The following ZNF625 variants were observed in gnomAD, a reference collection of about 807,000 sequenced individuals.
ZNF625 encodes the protein zinc finger protein 625.
A neutral mutation model predicts 11.1 loss-of-function variants in ZNF625; 8 were observed. The ratio of observed to expected loss-of-function variants is 0.72; its 90% CI spans 0.42 to 1.30. The LOEUF (loss-of-function observed/expected upper bound fraction) is 1.30, where lower values mean the gene tolerates loss of function less well. ZNF625 is among the 50% of genes most tolerant of loss of function. The pLI is 0.01. For missense variants in ZNF625, 349 were observed against 447.6 expected (o/e 0.78, Z 1.99); for synonymous variants, 145 against 153.4 (o/e 0.95, Z 0.41).
chr19:12,145,562 A>G lies in ZNF625; in HGVS notation c.854T>C (p.Val285Ala). The G allele has an allele frequency of 6.2e-7, 1 of 1,608,026 alleles. No individual in the cohort carries two copies. The highest frequency in any genetic ancestry group is 8.5e-7 in the Non-Finnish European group (1 of 1,174,664). The change falls in exon 4 of 4, where the codon GTT becomes GCT. Residue 285 changes from valine (V) to alanine (A), a missense_variant. Transcript: ENST00000439556. Reference protein sequence around the residue: ...YECKQCGKAFVSFNSVRYHER... With the variant: ...YECKQCGKAFASFNSVRYHER... The stretch of plus-strand genomic sequence containing the variant: ...ATGATATCGAACGGAATTGAAAGAA[A>G]CAAAGGCTTTCCCACACTGTTTACA...
At position 12,145,216 on chromosome 19, in the gene ZNF625, T is replaced by C; in HGVS notation, c.*81A>G. ...AGTGACTGCAGAAGCTTCAGAATAA[T>C]TTTGCGATGGTTCCCATGATTTGAG... On this transcript the variant is annotated 3_prime_UTR_variant, in exon 4 of 4. Transcript: ENST00000439556. 9.9e-6 allele frequency: 14 copies of C among 1,417,998 alleles called. No individual in the cohort carries two copies. Among genetic ancestry groups the C allele is most frequent in the Non-Finnish European group, 1.3e-5 (14 of 1,047,704 alleles). The allele number at this position is 1,417,998 out of a possible 1,614,324, so 87.8% of individuals were successfully genotyped here. A position where few individuals can be genotyped will look rare whatever the true frequency, so the allele number is the denominator to read the frequency against.
At chr19:12,155,794 TC>T (rs1308576886) in intron 1 of ZNF625, among the ~76,000 whole-genome samples, 1 of 152,192 alleles carries the variant, frequency 6.6e-6, no homozygotes, top group East Asian at 1.9e-4. Flanking sequence ...AAACTCCTAT[TC>T]TGAGAAGCAA....
intron 1 of ZNF625, 76 bp downstream of exon 1, chr19:12,156,480 G>T (rs1201260830): frequency 7.8e-7 from 1 of 1,278,964 alleles, no homozygotes; most frequent in Non-Finnish European, 1.0e-6. Flanking sequence ...GAAGGCCTGG[G>T]TCCTGCTAGA....
chr19:12,149,752 T>C (rs1327147241), intron 1 of ZNF625, among the ~76,000 whole-genome samples: 2 of 152,130 alleles, frequency 1.3e-5, no homozygotes, highest in Non-Finnish European at 2.9e-5. Context: ...TATTTTTTTT[T>C]TTTTCAGACG....
rs144224687 is a variant in ZNF625, at chr19:12,155,319, G to A, written c.3+1237C>T. On this transcript the variant is annotated intron_variant, in intron 1 of 3. Coordinates refer to ENST00000439556, the MANE Select transcript of ZNF625 (RefSeq NM_145233.4). ...CCATGCAAGGCAAGGGTAAAGTCAC[G>A]CCTTAGAATTCATAAAATCTAGTGA... Among the ~76,000 whole-genome samples the A allele has an allele frequency of 2.2e-4, 33 of 152,096 alleles. 1 individual carries two copies. The highest frequency in any genetic ancestry group is 7.2e-4 in the African/African-American group (30 of 41,510).
intron 1 of ZNF625, among the ~76,000 whole-genome samples, chr19:12,153,399 T>C (rs545384611): frequency 7.2e-4 from 108 of 148,968 alleles, no homozygotes; most frequent in African/African-American, 2.6e-3. Flanking sequence ...TAAAGACACA[T>C]GCACGGCTGG....
chr19:12,149,849 C>T (rs1479221707), intron 1 of ZNF625, among the ~76,000 whole-genome samples: 1 of 152,052 alleles, frequency 6.6e-6, no homozygotes, highest in African/African-American at 2.4e-5. Context: ...AAGCAATTCT[C>T]CTGCCTCAGC....
intron 1 of ZNF625, among the ~76,000 whole-genome samples, chr19:12,152,463 A>T (rs751374146): frequency 2.4e-4 from 37 of 152,260 alleles, no homozygotes; most frequent in Non-Finnish European, 2.8e-4. Context: ...AATACACCAT[A>T]ATAGTATAGG....
At chr19:12,155,705 T>A (rs1291246843) in intron 1 of ZNF625, among the ~76,000 whole-genome samples, 1 of 152,162 alleles carries the variant, frequency 6.6e-6, no homozygotes, top group African/African-American at 2.4e-5. Context: ...TTTTGCAGAG[T>A]TTTGCTCTTT....
chr19:12,149,186 G>C (rs897739593), intron 1 of ZNF625, among the ~76,000 whole-genome samples: 2 of 150,896 alleles, frequency 1.3e-5, no homozygotes, highest in African/African-American at 4.9e-5. Flanking sequence ...TCAGGAGGCT[G>C]AGGCAGGAGA....
intron 1 of ZNF625, among the ~76,000 whole-genome samples, chr19:12,154,555 T>C (rs1977001575): frequency 6.6e-6 from 1 of 152,198 alleles, no homozygotes; most frequent in South Asian, 2.1e-4. Flanking sequence ...GTCTGTATTT[T>C]CTTGAATGGC....
At chr19:12,155,162 G>A (rs1977009331) in intron 1 of ZNF625, among the ~76,000 whole-genome samples, 1 of 150,296 alleles carries the variant, frequency 6.7e-6, no homozygotes. Flanking sequence ...GGAGGCGGAG[G>A]TTGCCGTAAG....
Position 12,156,663 on chromosome 19 carries a change from C to T in ZNF625, c.-105G>A. 5 of 1,147,200 alleles carry T rather than the reference C, an allele frequency of 4.4e-6. No homozygotes were observed. The highest frequency in any genetic ancestry group is 4.3e-5 in the South Asian group (1 of 23,376). The allele number at this position is 1,147,200 out of a possible 1,614,324, so 71.1% of individuals were successfully genotyped here. A position where few individuals can be genotyped will look rare whatever the true frequency, so the allele number is the denominator to read the frequency against. ...AGAAGCTATGGCGGAGGCACCTGGT[C>T]CCTCTCGGGGCCGGAAAACCGAGAT... On this transcript the variant is annotated 5_prime_UTR_variant, in exon 1 of 4. Coordinates refer to ENST00000439556, the MANE Select transcript of ZNF625 (RefSeq NM_145233.4).
intron 1 of ZNF625, among the ~76,000 whole-genome samples, chr19:12,149,865 G>A (rs1016627356): frequency 2.0e-5 from 3 of 151,788 alleles, no homozygotes; most frequent in Admixed American, 6.6e-5. Context: ...TCAGCCTCCC[G>A]AGTAGATGGG....
At chr19:12,148,295 T>G (rs1253136304) in intron 1 of ZNF625, among the ~76,000 whole-genome samples, 3 of 152,218 alleles carry the variant, frequency 2.0e-5, no homozygotes, top group Admixed American at 6.5e-5. Flanking sequence ...CCTACCAATC[T>G]GACTGATAAG....
chr19:12,144,968 C>A lies in ZNF625; in HGVS notation c.*329G>T, dbSNP rs775171571. 2.3e-5 allele frequency: 5 copies of A among 212,938 alleles called. No homozygotes were observed. The highest frequency in any genetic ancestry group is 4.7e-5 in the Non-Finnish European group (5 of 107,404). The allele number at this position is 212,938 out of a possible 1,614,324, so 13.2% of individuals were successfully genotyped here. A position where few individuals can be genotyped will look rare whatever the true frequency, so the allele number is the denominator to read the frequency against. ...TGACCTCGTGGTCCGCCTGCCTCGG[C>A]CTCCCAAAGTGCTGGGATTATAGGC... On this transcript the variant is annotated 3_prime_UTR_variant, in exon 4 of 4. Coordinates refer to ENST00000439556, the MANE Select transcript of ZNF625 (RefSeq NM_145233.4).
intron 1 of ZNF625, 90 bp from the exon 2 acceptor site, chr19:12,147,892 A>G (rs1976899482): frequency 2.0e-6 from 3 of 1,490,886 alleles, no homozygotes; most frequent in African/African-American, 1.4e-5. Context: ...CCATGGTGCT[A>G]TGGACTCCAA....
At chr19:12,148,728 T>C (rs1413636407) in intron 1 of ZNF625, among the ~76,000 whole-genome samples, 1 of 150,824 alleles carries the variant, frequency 6.6e-6, no homozygotes, top group African/African-American at 2.4e-5. Context: ...TTCAAGCAAT[T>C]TTCTGCCTCA....
intron 3 of ZNF625, among the ~76,000 whole-genome samples, chr19:12,146,671 A>G (rs1053171403): frequency 1.3e-5 from 2 of 152,194 alleles, no homozygotes; most frequent in African/African-American, 2.4e-5. Flanking sequence ...GACTCAAGCA[A>G]TCTGCCCACC....
Sources: gnomAD v4.1 joint callset for allele counts (sites outside exome capture counted in the v4.1 genomes callset) on GRCh38, gnomAD v4.1.1 for gene constraint, MANE v1.5 for transcripts, NCBI Gene and HGNC (gene_info 2026-07-23, HGNC 2026-07-21) for gene names.